The following RBFOX3 variants were observed in gnomAD, a reference collection of about 807,000 sequenced individuals.
RBFOX3 encodes RNA binding fox-1 homolog 3.
In RBFOX3, 17 loss-of-function variants were observed where a neutral mutation model predicts 48.7. The ratio of observed to expected loss-of-function variants is 0.35; its 90% CI spans 0.24 to 0.52. The LOEUF (loss-of-function observed/expected upper bound fraction) is 0.52, where lower values mean the gene tolerates loss of function less well. Among genes scored for constraint, RBFOX3 ranks in the 20% least tolerant of loss-of-function variants. RBFOX3 has a pLI of 0.94. For missense variants in RBFOX3, 382 were observed against 497.5 expected, an observed-to-expected ratio of 0.77 and a Z score of 2.21; for synonymous variants, 212 against 209.5, an observed-to-expected ratio of 1.01 and a Z score of -0.10.
intron 2 of RBFOX3, among the ~76,000 whole-genome samples, chr17:79,352,982 C>G (rs2084255029): frequency 6.6e-6 from 1 of 152,234 alleles, no homozygotes; most frequent in Non-Finnish European, 1.5e-5. Context: ...CTCATCAACA[C>G]AAAGGCGCTT....
chr17:79,127,399 G>T (rs2037577083), intron 4 of RBFOX3, among the ~76,000 whole-genome samples: 1 of 152,250 alleles, frequency 6.6e-6, no homozygotes, highest in African/African-American at 2.4e-5. Flanking sequence ...CCAGAGCGGT[G>T]AGGGAGGAGA....
At chr17:79,522,515 G>A (rs2086241881) in intron 1 of RBFOX3, among the ~76,000 whole-genome samples, 1 of 152,104 alleles carries the variant, frequency 6.6e-6, no homozygotes, top group Non-Finnish European at 1.5e-5. Flanking sequence ...TGGGTGTTTT[G>A]AGAGATCCTT....
At chr17:79,428,461 C>T (rs1018752530) in intron 2 of RBFOX3, among the ~76,000 whole-genome samples, 8 of 152,258 alleles carry the variant, frequency 5.3e-5, no homozygotes, top group Non-Finnish European at 1.2e-4. Context: ...CTAGAGCCCT[C>T]TTAGGCTGGT....
rs1269113266 is a variant in RBFOX3, at chr17:79,471,756, T to C, written c.-175+10698A>G. 6.6e-6 allele frequency among the ~76,000 whole-genome samples: 1 copy of C among 152,066 alleles called. No homozygotes were observed. The highest frequency in any genetic ancestry group is 1.5e-5 in the Non-Finnish European group (1 of 67,998). ...GGCCAGGGCGTGTGCAGAGCCTGGG[T>C]GGACGCAGGCAGGTTAGCTATCCCA... On this transcript the variant is annotated intron_variant, in intron 2 of 14. Transcript: ENST00000693108. The surrounding 1 kb of genome is among the most constrained non-coding windows in gnomAD (Gnocchi z 4.0).
chr17:79,263,590 C>T (rs549693914), intron 3 of RBFOX3, among the ~76,000 whole-genome samples: 58 of 152,274 alleles, frequency 3.8e-4, no homozygotes, highest in East Asian at 2.5e-3. Flanking sequence ...GAGCCACCCC[C>T]ACCTGCTCTC....
At position 79,362,842 on chromosome 17, in the gene RBFOX3, A is replaced by G. The variant is rs185729249; in HGVS notation, c.-174-55018T>C. ...AAAGCGGGAACATCAGACAACCCTG[A>G]ACGCCCGGCTCTGTGTGCAGACCTC... On this transcript the variant is annotated intron_variant, in intron 2 of 14. Transcript: ENST00000693108. The surrounding 1 kb of genome is among the most constrained non-coding windows in gnomAD (Gnocchi z 4.2). 1.3e-5 allele frequency among the ~76,000 whole-genome samples: 2 copies of G among 152,248 alleles called. No individual in the cohort carries two copies. Among genetic ancestry groups the G allele is most frequent in the East Asian group, 3.9e-4 (2 of 5,170 alleles).
intron 2 of RBFOX3, among the ~76,000 whole-genome samples, chr17:79,309,065 C>G (rs548770283): frequency 2.4e-4 from 36 of 151,270 alleles, no homozygotes; most frequent in Non-Finnish European, 4.3e-4. Context: ...TGAGATCACA[C>G]CACCGCACTC....
intron 3 of RBFOX3, among the ~76,000 whole-genome samples, chr17:79,256,136 C>G (rs2064810876): frequency 6.6e-6 from 1 of 151,854 alleles, no homozygotes; most frequent in Non-Finnish European, 1.5e-5. Context: ...CCCAGCCCCG[C>G]CAGGTGTGCA....
chr17:79,431,407 G>T (rs188200209), intron 2 of RBFOX3, among the ~76,000 whole-genome samples: 26 of 152,126 alleles, frequency 1.7e-4, no homozygotes, highest in African/African-American at 6.3e-4. Context: ...TCCATCTCCC[G>T]GGTTCAAACG....
chr17:79,384,097 G>T (rs1393164697), intron 2 of RBFOX3, among the ~76,000 whole-genome samples: 1 of 152,208 alleles, frequency 6.6e-6, no homozygotes, highest in African/African-American at 2.4e-5. Flanking sequence ...AGCAAGGAGA[G>T]GACACCTACA....
Position 79,352,248 on chromosome 17 carries a change from C to A in RBFOX3, c.-174-44424G>T, listed in dbSNP as rs1468952587. Among the ~76,000 whole-genome samples the A allele has an allele frequency of 2.0e-5, 3 of 152,224 alleles. No individual in the cohort carries two copies. The East Asian group carries it at 5.8e-4, about 29-fold the overall frequency. On this transcript the variant is annotated intron_variant, in intron 2 of 14. Transcript: ENST00000693108. The stretch of plus-strand genomic sequence containing the variant: ...TGGTTTTTAATGTTTCAGCACCAAC[C>A]CCCTAGTGCTATCTCATGAGTGAGT...
chr17:79,112,661 G>T (rs922758514), intron 5 of RBFOX3, among the ~76,000 whole-genome samples: 2 of 152,094 alleles, frequency 1.3e-5, no homozygotes, highest in East Asian at 1.9e-4. Flanking sequence ...GCCGTCTAGG[G>T]GCCGGCTCTG....
intron 4 of RBFOX3, among the ~76,000 whole-genome samples, chr17:79,160,933 T>G (rs1010356953): frequency 1.1e-4 from 15 of 141,158 alleles, no homozygotes; most frequent in Non-Finnish European, 2.1e-4. Context: ...TGAGCTGAGA[T>G]CACACCATTG....
At chr17:79,542,956 T>A (rs1477637431) in intron 1 of RBFOX3, among the ~76,000 whole-genome samples, 3 of 152,204 alleles carry the variant, frequency 2.0e-5, no homozygotes, top group Non-Finnish European at 4.4e-5. Context: ...TGGCGTACAC[T>A]TTTCACTCTA....
At chr17:79,533,933 A>G (rs1226457769) in intron 1 of RBFOX3, among the ~76,000 whole-genome samples, 2 of 152,218 alleles carry the variant, frequency 1.3e-5, no homozygotes, top group African/African-American at 4.8e-5. Context: ...TAGAATATAT[A>G]TTTTGGGTTC....
At chr17:79,262,853 G>A (rs1054422224) in intron 3 of RBFOX3, among the ~76,000 whole-genome samples, 11 of 152,268 alleles carry the variant, frequency 7.2e-5, no homozygotes, top group African/African-American at 2.2e-4. Context: ...CCAATAGGGC[G>A]AGGCTCCTTC....
Position 79,209,010 on chromosome 17 carries a change from A to G in RBFOX3, c.-34+26756T>C, listed in dbSNP as rs189320376. ...TTTTGTACTTTTTTTTAGTAGAGAC[A>G]GGGTTTCACCGTGTTAGCCAGGATG... On this transcript the variant is annotated intron_variant, in intron 4 of 14. Transcript: ENST00000693108. 3.8e-3 allele frequency among the ~76,000 whole-genome samples: 577 copies of G among 151,586 alleles called. 6 individuals are homozygous for G. Among genetic ancestry groups the G allele is most frequent in the Middle Eastern group, 0.017 (5 of 294 alleles).
intron 1 of RBFOX3, among the ~76,000 whole-genome samples, chr17:79,500,762 T>C (rs2082278696): frequency 6.6e-6 from 1 of 152,198 alleles, no homozygotes; most frequent in Admixed American, 6.5e-5. Context: ...TCAACTTCCC[T>C]GCCTGCAGCC....
At chr17:79,598,895 C>T (rs943341578) in intron 1 of RBFOX3, 2 of 152,178 alleles carry the variant, frequency 1.3e-5, no homozygotes, top group Non-Finnish European at 2.9e-5. Context: ...AAGGGGGAAG[C>T]AAGTGTCTCA....
Sources: gnomAD v4.1 joint callset for allele counts (sites outside exome capture counted in the v4.1 genomes callset) on GRCh38, gnomAD v4.1.1 for gene constraint, Gnocchi (gnomAD v3.1) non-coding constraint, MANE v1.5 for transcripts, NCBI Gene and HGNC (gene_info 2026-07-23, HGNC 2026-07-21) for gene names.